The following ROBO1 variants were observed in gnomAD, a reference collection of about 807,000 sequenced individuals.
The protein encoded by ROBO1 is roundabout homolog 1.
ROBO1 carries 149 observed loss-of-function variants against 195.9 expected under a neutral mutation model. The ratio of observed to expected loss-of-function variants is 0.76; its 90% CI spans 0.67 to 0.87. ROBO1 has a LOEUF of 0.87. ROBO1 is among the 40% of genes least tolerant of loss of function. The pLI is 0.00. For missense variants in ROBO1, 1,933 were observed against 2,068.3 expected, an observed-to-expected ratio of 0.93 and a Z score of 1.27; for synonymous variants, 816 against 733.2, an observed-to-expected ratio of 1.11 and a Z score of -1.82.
chr3:79,590,913 T>C (rs528723296), intron 1 of ROBO1, among the ~76,000 whole-genome samples: 50 of 151,636 alleles, frequency 3.3e-4, no homozygotes, highest in Non-Finnish European at 5.8e-4. Flanking sequence ...TTTGGCTGGA[T>C]GTTGGGGTTT....
chr3:78,841,465 T>C (rs2033194378), intron 4 of ROBO1, among the ~76,000 whole-genome samples: 1 of 152,172 alleles, frequency 6.6e-6, no homozygotes, highest in Admixed American at 6.5e-5. Context: ...GTGTTGGCCA[T>C]GATTAATCAG....
intron 2 of ROBO1, among the ~76,000 whole-genome samples, chr3:79,162,497 A>G (rs2080986819): frequency 6.6e-6 from 1 of 152,132 alleles, no homozygotes; most frequent in Non-Finnish European, 1.5e-5. Flanking sequence ...GGAAGAAAAT[A>G]CATGTGTCTT....
chr3:78,741,764 T>A (rs963550291), intron 5 of ROBO1, among the ~76,000 whole-genome samples: 2 of 152,122 alleles, frequency 1.3e-5, no homozygotes, highest in Non-Finnish European at 2.9e-5. Context: ...ATGAAGTAAA[T>A]CAATTTAATC....
At chr3:78,785,075 G>C (rs2083790931) in intron 4 of ROBO1, among the ~76,000 whole-genome samples, 1 of 152,168 alleles carries the variant, frequency 6.6e-6, no homozygotes, top group African/African-American at 2.4e-5. Context: ...AATGTAACTG[G>C]ACCTCCACTT....
At chr3:79,457,572 C>T (rs901996840) in intron 2 of ROBO1, among the ~76,000 whole-genome samples, 1 of 152,132 alleles carries the variant, frequency 6.6e-6, no homozygotes, top group African/African-American at 2.4e-5. Flanking sequence ...TCATCTTGAG[C>T]TCCCATAATC....
At chr3:79,309,326 T>C (rs1334271507) in intron 2 of ROBO1, among the ~76,000 whole-genome samples, 1 of 152,156 alleles carries the variant, frequency 6.6e-6, no homozygotes, top group Non-Finnish European at 1.5e-5. Flanking sequence ...CCAAGCACTT[T>C]GGGAGGCCAA....
chr3:79,101,784 A>G (rs1477376222), intron 3 of ROBO1, among the ~76,000 whole-genome samples: 1 of 151,950 alleles, frequency 6.6e-6, no homozygotes, highest in Non-Finnish European at 1.5e-5. Context: ...AGATTTTACC[A>G]GGATTTCTTT....
At chr3:78,833,897 C>A (rs976707497) in intron 4 of ROBO1, among the ~76,000 whole-genome samples, 1 of 152,038 alleles carries the variant, frequency 6.6e-6, no homozygotes, top group African/African-American at 2.4e-5. Context: ...AAAGCACCAA[C>A]AAGAAATAAT....
At chr3:79,438,617 TAAGA>T (rs1304384704) in intron 2 of ROBO1, among the ~76,000 whole-genome samples, 2 of 152,108 alleles carry the variant, frequency 1.3e-5, no homozygotes, top group African/African-American at 4.8e-5. Context: ...TCATAGAAAC[TAAGA>T]AAGAACACTC....
At chr3:79,175,410 T>C (rs2081247658) in intron 2 of ROBO1, among the ~76,000 whole-genome samples, 1 of 152,176 alleles carries the variant, frequency 6.6e-6, no homozygotes, top group Admixed American at 6.5e-5. Flanking sequence ...CCTCCCCAAA[T>C]ACTGGGATTA....
At chr3:78,670,067 A>G in intron 11 of ROBO1, 29 bp downstream of exon 11, 2 of 1,542,748 alleles carry the variant, frequency 1.3e-6, no homozygotes, top group East Asian at 2.3e-5. Flanking sequence ...GAAACAAAAC[A>G]AGAAACGCAA....
intron 4 of ROBO1, among the ~76,000 whole-genome samples, chr3:78,779,237 A>C (rs2083598370): frequency 6.6e-6 from 1 of 152,212 alleles, no homozygotes; most frequent in South Asian, 2.1e-4. Flanking sequence ...AATGGCAACA[A>C]AAGCCAAAAT....
chr3:79,736,068 G>T (rs7431063), intron 1 of ROBO1, among the ~76,000 whole-genome samples: 1 of 151,956 alleles, frequency 6.6e-6, no homozygotes, highest in Non-Finnish European at 1.5e-5. Flanking sequence ...AGTAAATGAG[G>T]CAGAGAAGGC....
intron 4 of ROBO1, among the ~76,000 whole-genome samples, chr3:78,860,627 C>T (rs917578947): frequency 1.1e-4 from 16 of 152,152 alleles, no homozygotes; most frequent in African/African-American, 3.6e-4. Flanking sequence ...AGTACTGGGC[C>T]GTCAGCCCTG....
At chr3:79,248,741 A>G (rs1476337019) in intron 2 of ROBO1, among the ~76,000 whole-genome samples, 1 of 152,164 alleles carries the variant, frequency 6.6e-6, no homozygotes, top group Non-Finnish European at 1.5e-5. Flanking sequence ...ATAGAGTAAC[A>G]TAAACCTTCA....
intron 2 of ROBO1, among the ~76,000 whole-genome samples, chr3:79,267,545 C>T (rs925718813): frequency 2.7e-5 from 4 of 149,264 alleles, no homozygotes; most frequent in African/African-American, 9.9e-5. Flanking sequence ...TTAAATCTAT[C>T]TCTTTTTTTT....
chr3:79,706,110 A>AT (rs1354689668), intron 1 of ROBO1, among the ~76,000 whole-genome samples: 2 of 151,770 alleles, frequency 1.3e-5, no homozygotes, highest in African/African-American at 2.4e-5. Flanking sequence ...CATCTGTTGT[A>AT]TTTTTTCCTT....
chr3:79,547,699 T>C (rs1368458755), intron 2 of ROBO1, among the ~76,000 whole-genome samples: 2 of 152,240 alleles, frequency 1.3e-5, no homozygotes, highest in East Asian at 1.9e-4. Flanking sequence ...CCTTAATGAT[T>C]TGGGAGGATT....
chr3:79,616,694 G>T (rs929028188), intron 1 of ROBO1, among the ~76,000 whole-genome samples: 3 of 152,048 alleles, frequency 2.0e-5, no homozygotes, highest in Non-Finnish European at 2.9e-5. Context: ...GTGAAGAGAG[G>T]ATCTTCTCTC....
Sources: allele counts gnomAD v4.1 joint callset (sites outside exome capture counted in the v4.1 genomes callset), GRCh38; gene constraint gnomAD v4.1.1; transcripts MANE v1.5; gene names NCBI Gene and HGNC (gene_info 2026-07-23, HGNC 2026-07-21).